DOCK3: variants seen among roughly 807,000 people sequenced by gnomAD.
DOCK3 encodes the protein dedicator of cytokinesis protein 3.
Under a neutral mutation model 265.6 loss-of-function variants are expected in DOCK3, and 60 were observed. The observed-to-expected ratio is 0.23, with a 90% CI of 0.18 to 0.28. The LOEUF (loss-of-function observed/expected upper bound fraction) is 0.28. Ranked by LOEUF, DOCK3 falls within the 10% of genes least tolerant of loss-of-function variation. DOCK3 has a pLI of 1.00. For synonymous variants in DOCK3, 881 were observed against 938.0 expected (o/e 0.94, Z 1.11); for missense variants, 1,981 against 2,594.3 (o/e 0.76, Z 5.14).
chr3:51,227,258 A>C, intron 15 of DOCK3, 25 bp from the exon 16 acceptor site: 1 of 1,609,940 alleles, frequency 6.2e-7, no homozygotes, highest in African/African-American at 1.3e-5. Flanking sequence ...GGAAGATGAC[A>C]TCTTATTTTG....
At chr3:50,949,531 C>T (rs1228247308) in intron 5 of DOCK3, among the ~76,000 whole-genome samples, 1 of 152,092 alleles carries the variant, frequency 6.6e-6, no homozygotes, top group Non-Finnish European at 1.5e-5. Context: ...ATCCTTTTGT[C>T]TGCTTTTGTA....
intron 2 of DOCK3, among the ~76,000 whole-genome samples, chr3:50,798,039 T>C (rs1330436187): frequency 2.6e-5 from 4 of 152,218 alleles, no homozygotes; most frequent in African/African-American, 4.8e-5. Context: ...GAATAGCTCA[T>C]TTTGTATTCT....
chr3:51,271,817 C>T (rs934357909), intron 24 of DOCK3, among the ~76,000 whole-genome samples: 6 of 148,312 alleles, frequency 4.0e-5, no homozygotes, highest in African/African-American at 1.5e-4. Flanking sequence ...CGCCATTGTA[C>T]TCAAGCCTGA....
intron 5 of DOCK3, among the ~76,000 whole-genome samples, chr3:51,053,898 G>A (rs2081098533): frequency 1.3e-5 from 2 of 151,470 alleles, no homozygotes; most frequent in South Asian, 2.1e-4. Context: ...CAATCTTTTG[G>A]CATAAATGAA....
At chr3:51,134,196 T>G (rs1002637168) in intron 9 of DOCK3, among the ~76,000 whole-genome samples, 3 of 152,134 alleles carry the variant, frequency 2.0e-5, no homozygotes, top group African/African-American at 7.2e-5. Flanking sequence ...GGCATTTAGG[T>G]TGATTCCCTG....
At chr3:51,308,144 A>G (rs1472336198) in intron 27 of DOCK3, among the ~76,000 whole-genome samples, 1 of 151,788 alleles carries the variant, frequency 6.6e-6, no homozygotes, top group Non-Finnish European at 1.5e-5. Context: ...TTTTAAGGCT[A>G]CTGTGGAGGT....
At chr3:51,004,611 T>G (rs1019371217) in intron 5 of DOCK3, among the ~76,000 whole-genome samples, 2 of 152,122 alleles carry the variant, frequency 1.3e-5, no homozygotes, top group Non-Finnish European at 2.9e-5. Context: ...GTAGAATGAT[T>G]GTAGTAGATA....
chr3:50,803,186 A>G (rs1281338138), intron 2 of DOCK3, among the ~76,000 whole-genome samples: 2 of 152,028 alleles, frequency 1.3e-5, no homozygotes, highest in South Asian at 2.1e-4. Flanking sequence ...CATGTGAACA[A>G]GGGTCTCTGG....
At chr3:51,031,118 A>C (rs2080030903) in intron 5 of DOCK3, among the ~76,000 whole-genome samples, 1 of 152,204 alleles carries the variant, frequency 6.6e-6, no homozygotes, top group Admixed American at 6.5e-5. Context: ...CATACTTTTC[A>C]ATTTGCTATG....
chr3:50,783,253 A>G (rs966482725), intron 2 of DOCK3, among the ~76,000 whole-genome samples: 1 of 152,056 alleles, frequency 6.6e-6, no homozygotes, highest in Admixed American at 6.6e-5. Flanking sequence ...GAATCTCCAC[A>G]CTGTTTTTCA....
chr3:50,741,237 T>C (rs182220006), intron 1 of DOCK3, among the ~76,000 whole-genome samples: 29 of 150,520 alleles, frequency 1.9e-4, no homozygotes, highest in African/African-American at 5.6e-4. Flanking sequence ...TCTATGAACA[T>C]TGATGTACAA....
chr3:51,137,057 TA>T (rs2084840486), intron 9 of DOCK3, among the ~76,000 whole-genome samples: 2 of 151,882 alleles, frequency 1.3e-5, no homozygotes, highest in East Asian at 1.9e-4. Context: ...AAAAACAGCT[TA>T]AAAAAATAAA....
intron 30 of DOCK3, 25 bp downstream of exon 30, chr3:51,312,601 C>T (rs1222364851): frequency 1.9e-6 from 3 of 1,545,952 alleles, no homozygotes; most frequent in Non-Finnish European, 2.6e-6. Flanking sequence ...TTATATTCAT[C>T]TCCTTACCAC....
chr3:51,277,400 A>G (rs577352357), intron 25 of DOCK3, among the ~76,000 whole-genome samples: 1 of 152,184 alleles, frequency 6.6e-6, no homozygotes, highest in Non-Finnish European at 1.5e-5. Context: ...GGCCCCAGCC[A>G]CCATGCCTGG....
intron 2 of DOCK3, among the ~76,000 whole-genome samples, chr3:50,808,919 T>A (rs1187161545): frequency 6.6e-6 from 1 of 152,220 alleles, no homozygotes; most frequent in Non-Finnish European, 1.5e-5. Flanking sequence ...AAGCAATGAA[T>A]ATTGATTCCT....
chr3:51,360,484 T>C (rs539017493), intron 46 of DOCK3, 27 bp from the exon 47 acceptor site: 1 of 1,599,970 alleles, frequency 6.3e-7, no homozygotes, highest in South Asian at 1.1e-5. Flanking sequence ...CTTTACTCTC[T>C]ATGAAGGGGC....
At position 51,126,503 on chromosome 3, in the gene DOCK3, G is replaced by A. The variant is rs1270706003; in HGVS notation, c.747-20046G>A. ...CATGGAAGGGAAGGTCAGTCTTCTC[G>A]TCCTCCAGCGTCCTCACATGGGCAC... On this transcript the variant is annotated intron_variant, in intron 9 of 52. Coordinates refer to ENST00000266037, the MANE Select transcript of DOCK3 (RefSeq NM_004947.5). 2.6e-5 allele frequency among the ~76,000 whole-genome samples: 4 copies of A among 152,270 alleles called. No homozygotes were observed. In the East Asian group the frequency reaches 5.8e-4, roughly 22 times the overall value.
Position 51,339,008 on chromosome 3 carries a change from T to C in DOCK3, c.3746T>C (p.Leu1249Ser), listed in dbSNP as rs775648325. The C allele has an allele frequency of 1.5e-5, 24 of 1,601,856 alleles. No homozygotes were observed. The South Asian group carries it at 2.0e-4, about 14-fold the overall frequency. The change falls in exon 37 of 53, where the codon TTG becomes TCG. Residue 1249 changes from leucine to serine, a missense_variant. This residue lies in a region of DOCK3 where 1,357 missense variants were observed against 1,866.8 expected (regional missense o/e 0.73). Transcript: ENST00000266037. Reference sequence around the variant, plus strand: ...ATCCATAAGCTTTGTGACATGCACTTGCAGGCCGAAAACTACACAGGTAAG... The same window carrying C: ...ATCCATAAGCTTTGTGACATGCACTCGCAGGCCGAAAACTACACAGGTAAG... ...RYIHKLCDMH[L>S]QAENYTEAAF...
At chr3:50,782,447 C>T (rs546598449) in intron 2 of DOCK3, among the ~76,000 whole-genome samples, 3 of 151,142 alleles carry the variant, frequency 2.0e-5, no homozygotes, top group South Asian at 4.2e-4. Context: ...CCCGCTACCA[C>T]GCCCGGCTAA....
Sources: gnomAD v4.1 joint callset for allele counts (sites outside exome capture counted in the v4.1 genomes callset) on GRCh38, gnomAD v4.1.1 for gene constraint, gnomAD v4.1.1 regional missense constraint, MANE v1.5 for transcripts, NCBI Gene and HGNC (gene_info 2026-07-23, HGNC 2026-07-21) for gene names.